The following MYO1H variants were observed in gnomAD, a reference collection of about 807,000 sequenced individuals.
MYO1H encodes the protein myosin IH.
MYO1H carries 118 observed loss-of-function variants against 149.3 expected under a neutral mutation model. That is an observed-to-expected ratio of 0.79 (90% CI 0.68 to 0.92). The LOEUF is 0.92. MYO1H is among the 40% of genes least tolerant of loss of function. MYO1H has a pLI of 0.00. For missense variants in MYO1H, 1,212 were observed against 1,280.7 expected (o/e 0.95, Z 0.82); for synonymous variants, 447 against 465.2 (o/e 0.96, Z 0.50).
At chr12:109,421,012 C>T (rs1346656377) in exon 16 of MYO1H, 4 of 1,586,782 alleles carry the variant, frequency 2.5e-6, no homozygotes, top group Admixed American at 3.4e-5. Context: ...ATCTTCTTTA[C>T]AGACATCTGA....
intron 1 of MYO1H, among the ~76,000 whole-genome samples, chr12:109,380,023 G>T (rs1036812167): frequency 6.6e-6 from 1 of 151,446 alleles, no homozygotes; most frequent in Admixed American, 6.6e-5. Context: ...AAGCCACCAC[G>T]CCCGGCCAGC....
chr12:109,355,946 G>GAC lies in MYO1H; in HGVS notation c.12+7975_12+7976dup, dbSNP rs532683713. Among the ~76,000 whole-genome samples, 269 of 151,480 alleles carry GAC rather than the reference G, an allele frequency of 1.8e-3. 3 individuals are homozygous for GAC. Among genetic ancestry groups the GAC allele is most frequent in the African/African-American group, 6.3e-3 (261 of 41,236 alleles). On this transcript the variant is annotated intron_variant, in intron 1 of 31. Transcript: ENST00000310903. ...TTGGCCAGGCTGATCTTAAACTCCT[G>GAC]ACCTCAAGTGATCTGCCCGTCCTGG...
chr12:109,417,299 C>T (rs1442424504), intron 15 of MYO1H, among the ~76,000 whole-genome samples: 2 of 152,194 alleles, frequency 1.3e-5, no homozygotes, highest in African/African-American at 2.4e-5. Flanking sequence ...TCTCCACAGC[C>T]TCAGCCACAC....
At chr12:109,432,792 C>A in intron 19 of MYO1H, 105 bp from the exon 20 acceptor site, 1 of 865,836 alleles carries the variant, frequency 1.2e-6, no homozygotes, top group Admixed American at 1.9e-5. Context: ...CACTGAGTGG[C>A]CGACATGCCA....
intron 31 of MYO1H, chr12:109,446,182 G>C: frequency 1.0e-6 from 1 of 985,178 alleles, no homozygotes; most frequent in African/African-American, 1.7e-5. Flanking sequence ...AGAGGTTTGG[G>C]AACCATGGCT....
chr12:109,372,392 A>C (rs1028814345), intron 1 of MYO1H, among the ~76,000 whole-genome samples: 1 of 152,118 alleles, frequency 6.6e-6, no homozygotes, highest in African/African-American at 2.4e-5. Context: ...ATAAATGTAT[A>C]ATTTACATTC....
At chr12:109,361,674 G>A (rs553464582) in intron 1 of MYO1H, among the ~76,000 whole-genome samples, 2 of 151,938 alleles carry the variant, frequency 1.3e-5, no homozygotes, top group South Asian at 4.2e-4. Context: ...CAGGTGAGGT[G>A]GGACATGCCT....
the MYO1H span, among the ~76,000 whole-genome samples, chr12:109,319,605 A>C: frequency 6.6e-6 from 1 of 152,208 alleles, no homozygotes; most frequent in East Asian, 1.9e-4. Flanking sequence ...CAGTTAAATC[A>C]AGGAAATGAG....
In MYO1H at chr12:109,409,553, C is replaced by T. The variant is rs376553574; in HGVS notation, c.1156-4C>T. 1 of 1,613,208 alleles carries T rather than the reference C, an allele frequency of 6.2e-7. No individual in the cohort carries two copies. Among genetic ancestry groups the T allele is most frequent in the Non-Finnish European group, 8.5e-7 (1 of 1,179,292 alleles). ...CTATGAATGGGGTGTGTTATTTTGA[C>T]CAGGATTTCACCAGGAAAACTGTAA... On this transcript the variant is annotated splice_polypyrimidine_tract_variant and splice_region_variant and intron_variant, in intron 10 of 31. Coordinates refer to ENST00000310903, the Ensembl canonical transcript of MYO1H.
chr12:109,318,525 C>G, the MYO1H span, among the ~76,000 whole-genome samples: 4 of 152,164 alleles, frequency 2.6e-5, no homozygotes, highest in Non-Finnish European at 2.9e-5. Context: ...GTCAGTGGCT[C>G]TCATGCTTCC....
chr12:109,426,359 C>G (rs1420587050), intron 18 of MYO1H, among the ~76,000 whole-genome samples: 1 of 152,000 alleles, frequency 6.6e-6, no homozygotes, highest in Admixed American at 6.6e-5. Flanking sequence ...TGGCGTGTCT[C>G]TACTAAACAT....
intron 16 of MYO1H, among the ~76,000 whole-genome samples, chr12:109,423,764 C>T (rs1372580915): frequency 3.3e-5 from 5 of 152,080 alleles, no homozygotes; most frequent in Admixed American, 2.6e-4. Context: ...TTTCACTTAG[C>T]GTGGGTTTAT....
At chr12:109,322,644 ACT>A in the MYO1H span, among the ~76,000 whole-genome samples, 1 of 151,498 alleles carries the variant, frequency 6.6e-6, no homozygotes, top group Non-Finnish European at 1.5e-5. Context: ...ATATGGTGAA[ACT>A]CTGTCTCTAC....
At chr12:109,419,875 A>T (rs1411925206) in intron 15 of MYO1H, among the ~76,000 whole-genome samples, 1 of 44,066 alleles carries the variant, frequency 2.3e-5, no homozygotes, top group Non-Finnish European at 3.9e-5. Flanking sequence ...CCCCAACTTA[A>T]AAAAAAAAAA....
chr12:109,358,455 A>C (rs1868658471), intron 1 of MYO1H, among the ~76,000 whole-genome samples: 1 of 152,196 alleles, frequency 6.6e-6, no homozygotes. Flanking sequence ...CTAATTTTCC[A>C]GATAAAACAG....
chr12:109,403,935 T>G (rs749318947), intron 6 of MYO1H, 47 bp from the exon 7 acceptor site: 31 of 1,283,040 alleles, frequency 2.4e-5, no homozygotes, highest in Non-Finnish European at 3.5e-5. Flanking sequence ...CATGCTTAAT[T>G]GCCCCTATAA....
At chr12:109,406,467 TAAAAA>T (rs56744077) in intron 8 of MYO1H, among the ~76,000 whole-genome samples, 2,994 of 43,096 alleles carry the variant, frequency 0.069, 56 homozygotes, top group African/African-American at 0.095. Context: ...CCCTATCTCT[TAAAAA>T]AAAAAAAAAA....
At chr12:109,325,881 G>A in the MYO1H span, among the ~76,000 whole-genome samples, 2 of 152,206 alleles carry the variant, frequency 1.3e-5, no homozygotes, top group African/African-American at 4.8e-5. Flanking sequence ...ACCATCTCAC[G>A]CCAGTCAGAA....
At chr12:109,417,675 CA>C (rs1870983659) in intron 15 of MYO1H, among the ~76,000 whole-genome samples, 1 of 152,088 alleles carries the variant, frequency 6.6e-6, no homozygotes, top group African/African-American at 2.4e-5. Context: ...AGTGGTATCT[CA>C]TTGTGCTTTT....
Sources: gnomAD v4.1 joint callset for allele counts (sites outside exome capture counted in the v4.1 genomes callset) on GRCh38, gnomAD v4.1.1 for gene constraint, MANE v1.5 for transcripts, NCBI Gene and HGNC (gene_info 2026-07-23, HGNC 2026-07-21) for gene names.